The following GFI1B variants were observed in gnomAD, a reference collection of about 807,000 sequenced individuals.
GFI1B encodes growth factor independent 1B transcriptional repressor.
Under a neutral mutation model 35.3 loss-of-function variants are expected in GFI1B, and 20 were observed. The observed-to-expected ratio is 0.57, with a 90% CI of 0.40 to 0.82. The LOEUF (loss-of-function observed/expected upper bound fraction) is 0.82, where lower values mean the gene tolerates loss of function less well. Ranked by LOEUF, GFI1B falls within the 40% of genes least tolerant of loss-of-function variation. The pLI is 0.00. For synonymous variants in GFI1B, 178 were observed against 177.6 expected (o/e 1.00, Z -0.02); for missense variants, 430 against 446.3 (o/e 0.96, Z 0.33).
At chr9:132,957,580 G>A (rs572247870) in intron 1 of GFI1B, among the ~76,000 whole-genome samples, 17 of 152,104 alleles carry the variant, frequency 1.1e-4, no homozygotes, top group Non-Finnish European at 2.4e-4. Context: ...ACCAGGATGG[G>A]AGATAGAGAA....
In GFI1B at chr9:132,989,605, C is replaced by T. The variant is rs916424440; in HGVS notation, c.649-137C>T. Reference sequence around the variant, plus strand: ...GAGACTCCAAGCCCCAGTTTCACCTCAGAGGCAGAGATGAGGGGTCCCCCG... The same window carrying T: ...GAGACTCCAAGCCCCAGTTTCACCTTAGAGGCAGAGATGAGGGGTCCCCCG... On this transcript the variant is annotated intron_variant, in intron 5 of 6. Transcript: ENST00000372122. The surrounding 1 kb of genome is among the most constrained non-coding windows in gnomAD (Gnocchi z 6.2). 2 of 651,272 alleles carry T rather than the reference C, an allele frequency of 3.1e-6. No homozygotes were observed. The highest frequency in any genetic ancestry group is 5.4e-6 in the Non-Finnish European group (2 of 370,904). 40.3% of individuals were successfully genotyped at this position (651,272 alleles called of 1,614,324 possible).
intron 1 of GFI1B, among the ~76,000 whole-genome samples, chr9:132,984,394 C>A (rs933498361): frequency 4.6e-5 from 7 of 152,164 alleles, no homozygotes; most frequent in Non-Finnish European, 1.0e-4. Context: ...CCGTGGGCTG[C>A]CCCCGGCCCG....
At chr9:132,961,295 CA>C (rs1372657481) in intron 1 of GFI1B, among the ~76,000 whole-genome samples, 2 of 151,766 alleles carry the variant, frequency 1.3e-5, no homozygotes, top group Non-Finnish European at 2.9e-5. Context: ...AGAAAGCAAG[CA>C]GAGCAAAGTC....
intron 3 of GFI1B, 137 bp from the exon 4 acceptor site, chr9:132,988,059 TG>T: frequency 1.3e-6 from 1 of 755,610 alleles, no homozygotes; most frequent in Non-Finnish European, 2.4e-6. Flanking sequence ...TTGGTCCGCC[TG>T]GTCTTGAACT....
At chr9:132,962,441 A>G (rs1341606474) in intron 1 of GFI1B, 3 of 387,110 alleles carry the variant, frequency 7.7e-6, no homozygotes, top group East Asian at 7.8e-5. Context: ...CCTGGCCCAT[A>G]AAAGATTCTT....
intron 1 of GFI1B, among the ~76,000 whole-genome samples, chr9:132,947,809 C>CAAAAAAAAAAAAAAAAAAA (rs58406908): frequency 1.2e-5 from 1 of 86,086 alleles, no homozygotes; most frequent in Non-Finnish European, 2.5e-5. Flanking sequence ...ACTTGGTCTC[C>CAAAAAAAAAAAAAAAAAAA]AAAAAAAAAA....
chr9:132,989,210 G>A lies in GFI1B; in HGVS notation c.648+12G>A, dbSNP rs1305395151. 2.5e-6 allele frequency: 4 copies of A among 1,609,894 alleles called. No homozygotes were observed. The highest frequency in any genetic ancestry group is 3.4e-6 in the Non-Finnish European group (4 of 1,178,520). ...ACGTCCACTCCCAGGTGGGCACCTG[G>A]CCCAGCGCAGGACTCCCAGCCCCAC... On this transcript the variant is annotated intron_variant, in intron 5 of 6. Coordinates refer to ENST00000372122, the MANE Select transcript of GFI1B (RefSeq NM_001377304.1). This position sits in a 1 kb window ranked among gnomAD's most constrained non-coding sequence, Gnocchi z 6.2.
At chr9:132,987,457 G>A in intron 3 of GFI1B, 38 bp downstream of exon 3, 2 of 1,612,568 alleles carry the variant, frequency 1.2e-6, no homozygotes, top group Middle Eastern at 1.7e-4. Context: ...CCCAGGGAGT[G>A]CCAAGGGGAG....
At chr9:132,950,831 GTTGT>G (rs958037334) in intron 1 of GFI1B, among the ~76,000 whole-genome samples, 28 of 148,188 alleles carry the variant, frequency 1.9e-4, no homozygotes, top group Admixed American at 2.7e-4. Context: ...TTTTGTTGTT[GTTGT>G]TTGTTTGTTT....
intron 1 of GFI1B, among the ~76,000 whole-genome samples, chr9:132,947,620 C>T (rs977454086): frequency 6.6e-6 from 1 of 151,664 alleles, no homozygotes; most frequent in Non-Finnish European, 1.5e-5. Context: ...ACCAGCCTGG[C>T]CAACATGGTG....
At chr9:132,990,581 T>C (rs1849260304) in intron 6 of GFI1B, among the ~76,000 whole-genome samples, 1 of 152,270 alleles carries the variant, frequency 6.6e-6, no homozygotes, top group Non-Finnish European at 1.5e-5. Context: ...TGCTATTAGC[T>C]GAGTGCCTCT....
chr9:132,972,933 C>T (rs1254018913), intron 2 of GFI1B, among the ~76,000 whole-genome samples: 1 of 152,204 alleles, frequency 6.6e-6, no homozygotes, highest in Non-Finnish European at 1.5e-5. Context: ...GGAAAGAGGT[C>T]CGTAGCCGCC....
upstream of GFI1B, among the ~76,000 whole-genome samples, chr9:132,975,430 TC>T (rs1848611310): frequency 6.6e-6 from 1 of 152,240 alleles, no homozygotes; most frequent in Non-Finnish European, 1.5e-5. Context: ...ACCTTCCTTC[TC>T]CCAACTAACT....
chr9:132,950,385 C>G (rs151148327), intron 1 of GFI1B, among the ~76,000 whole-genome samples: 10 of 151,904 alleles, frequency 6.6e-5, no homozygotes, highest in African/African-American at 2.4e-4. Flanking sequence ...CCTTCCACCA[C>G]ACCGCCTGCT....
rs147726410 is a variant in GFI1B at position 132,989,159 on chromosome 9, C to G, written c.609C>G (p.His203Gln). The change falls in exon 5 of 7, where the codon CAC becomes CAG. Residue 203 changes from histidine to glutamine, a missense_variant. Transcript: ENST00000372122. The surrounding 1 kb of genome is among the most constrained non-coding windows in gnomAD (Gnocchi z 6.2). Reference protein sequence around the residue: ...ACDICGKTFGHAVSLEQHTHV... With the variant: ...ACDICGKTFGQAVSLEQHTHV... ...ACATCTGCGGCAAAACCTTCGGCCA[C>G]GCTGTGAGCCTGGAGCAGCACACGC... 6 of 1,613,874 alleles carry G rather than the reference C, an allele frequency of 3.7e-6. No homozygotes were observed. In the East Asian group the frequency reaches 1.3e-4, roughly 36 times the overall value.
intron 1 of GFI1B, among the ~76,000 whole-genome samples, chr9:132,982,382 C>T (rs1335136807): frequency 6.6e-6 from 1 of 152,200 alleles, no homozygotes; most frequent in East Asian, 1.9e-4. Flanking sequence ...AGGGACATCA[C>T]AGGCCTGTTG....
intron 1 of GFI1B, among the ~76,000 whole-genome samples, chr9:132,949,304 C>CAT (rs1564521206): frequency 7.7e-6 from 1 of 129,568 alleles, no homozygotes. Flanking sequence ...CACACACACA[C>CAT]ATCAAGCCAA....
chr9:132,986,460 C>T (rs989909903), intron 1 of GFI1B, among the ~76,000 whole-genome samples, 199 bp from the exon 2 acceptor site: 3 of 152,158 alleles, frequency 2.0e-5, no homozygotes, highest in Non-Finnish European at 4.4e-5. Context: ...CCGGAATGAC[C>T]TCATCATAAC....
At chr9:132,970,554 T>C (rs1292860695) in intron 1 of GFI1B, among the ~76,000 whole-genome samples, 2 of 152,164 alleles carry the variant, frequency 1.3e-5, no homozygotes, top group African/African-American at 2.4e-5. Flanking sequence ...TCAGAAAAGG[T>C]TGGCCAGGGG....
Sources: allele counts gnomAD v4.1 joint callset (sites outside exome capture counted in the v4.1 genomes callset), GRCh38; gene constraint gnomAD v4.1.1; non-coding constraint Gnocchi (gnomAD v3.1); transcripts MANE v1.5; gene names NCBI Gene and HGNC (gene_info 2026-07-23, HGNC 2026-07-21).